MAST2: variants seen among roughly 807,000 people sequenced by gnomAD.
MAST2 encodes the protein microtubule associated serine/threonine kinase 2.
In MAST2, 70 loss-of-function variants were observed where a neutral mutation model predicts 147.4. That is an observed-to-expected ratio of 0.47 (90% CI 0.39 to 0.58). The LOEUF (loss-of-function observed/expected upper bound fraction) is 0.58, where lower values mean the gene tolerates loss of function less well. Ranked by LOEUF, MAST2 falls within the 20% of genes least tolerant of loss-of-function variation. The pLI is 0.00. For missense variants in MAST2, 2,080 were observed against 2,302.3 expected, an observed-to-expected ratio of 0.90 and a Z score of 1.98; for synonymous variants, 869 against 896.8, an observed-to-expected ratio of 0.97 and a Z score of 0.55.
intron 4 of MAST2, among the ~76,000 whole-genome samples, chr1:45,955,500 T>A (rs1056904873): frequency 1.3e-5 from 2 of 152,160 alleles, no homozygotes; most frequent in East Asian, 3.8e-4. Flanking sequence ...TAGATGATGA[T>A]AAGTGCTAGG....
rs192018538 is a variant in MAST2 at position 45,964,670 on chromosome 1, C to T, written c.592+5193C>T. ...TGTTGATCTTTTCAAAAAACCAGCT[C>T]CTGGATTCACTGATTTTTTTGAAGG... On this transcript the variant is annotated intron_variant, in intron 5 of 28. Transcript: ENST00000361297. 2.6e-5 allele frequency among the ~76,000 whole-genome samples: 4 copies of T among 152,234 alleles called. No homozygotes were observed. In the East Asian group the frequency reaches 5.8e-4, roughly 22 times the overall value.
intron 3 of MAST2, among the ~76,000 whole-genome samples, chr1:45,834,335 A>T (rs1186741467): frequency 1.3e-5 from 2 of 152,152 alleles, no homozygotes; most frequent in African/African-American, 4.8e-5. Context: ...GAGTCTGGAG[A>T]ATAGATAAGC....
intron 4 of MAST2, among the ~76,000 whole-genome samples, chr1:45,905,174 CTTT>C (rs1206585552): frequency 7.0e-5 from 9 of 128,102 alleles, no homozygotes; most frequent in Admixed American, 8.0e-5. Flanking sequence ...TATGTTTAAT[CTTT>C]TTTTTTTTTT....
chr1:45,948,576 G>A (rs1439050069), intron 4 of MAST2, among the ~76,000 whole-genome samples: 1 of 151,726 alleles, frequency 6.6e-6, no homozygotes, highest in Non-Finnish European at 1.5e-5. Flanking sequence ...ATGTGGTGGT[G>A]TGTGTCTGTA....
At chr1:45,894,466 T>C (rs1246729121) in intron 4 of MAST2, among the ~76,000 whole-genome samples, 1 of 151,970 alleles carries the variant, frequency 6.6e-6, no homozygotes, top group Non-Finnish European at 1.5e-5. Context: ...TATGCTTGCT[T>C]GATTAAGGAC....
Position 46,002,714 on chromosome 1 carries a change from A to G in MAST2, c.669-91A>G, listed in dbSNP as rs543915242. ...TAAGGAGGAGCCCTACAGTGAATCA[A>G]CTGCCCCCAAAATGCTGATGAACAG... is the stretch of plus-strand genomic sequence containing the variant. On this transcript the variant is annotated intron_variant, in intron 6 of 28. Coordinates refer to ENST00000361297, the MANE Select transcript of MAST2 (RefSeq NM_015112.3). The G allele has an allele frequency of 2.9e-5, 32 of 1,087,168 alleles. No individual in the cohort carries two copies. In the African/African-American group the frequency reaches 3.4e-4, roughly 12 times the overall value. The allele number at this position is 1,087,168 out of a possible 1,614,324, so 67.3% of individuals were successfully genotyped here.
At position 46,035,055 on chromosome 1, in the gene MAST2, G is replaced by A. The variant is rs1157594822; in HGVS notation, c.4386G>A (p.Gly1462=). The change falls in exon 29 of 29, where the codon GGG becomes GGA. Residue 1462 remains glycine (G), a synonymous_variant. Coordinates refer to ENST00000361297, the MANE Select transcript of MAST2 (RefSeq NM_015112.3). This position sits in a 1 kb window ranked among gnomAD's most constrained non-coding sequence, Gnocchi z 5.5. ...CCAGGAGTGTGCTGTCTGGCAAGGGGGCCCTGCCAGGGAAGGGGGTGCTGC... is the reference window on the plus strand; with the variant it reads ...CCAGGAGTGTGCTGTCTGGCAAGGGAGCCCTGCCAGGGAAGGGGGTGCTGC... ...VGARSVLSGK[G]ALPGKGVLQP... is the part of the protein sequence containing the mutation. The A allele has an allele frequency of 1.1e-5, 17 of 1,613,720 alleles. No individual in the cohort carries two copies. Among genetic ancestry groups the A allele is most frequent in the Non-Finnish European group, 1.4e-5 (17 of 1,179,988 alleles).
At chr1:45,854,262 G>A (rs957071016) in intron 3 of MAST2, among the ~76,000 whole-genome samples, 1 of 151,628 alleles carries the variant, frequency 6.6e-6, no homozygotes, top group Non-Finnish European at 1.5e-5. Flanking sequence ...ACTTGAACCC[G>A]GGAGGCAGAG....
chr1:45,980,577 T>C (rs1644367275), intron 5 of MAST2, among the ~76,000 whole-genome samples: 1 of 152,236 alleles, frequency 6.6e-6, no homozygotes, highest in African/African-American at 2.4e-5. Flanking sequence ...CTTTGTCACA[T>C]AGGCTGTAGT....
chr1:45,839,947 C>A (rs547726293), intron 3 of MAST2, among the ~76,000 whole-genome samples: 17 of 152,258 alleles, frequency 1.1e-4, no homozygotes, highest in African/African-American at 3.4e-4. Context: ...TCTATACTTA[C>A]CTCATGCTGT....
At chr1:45,904,380 G>A (rs983771119) in intron 4 of MAST2, among the ~76,000 whole-genome samples, 3 of 151,926 alleles carry the variant, frequency 2.0e-5, no homozygotes, top group Non-Finnish European at 4.4e-5. Context: ...TACCATGTTG[G>A]CCAGGCTGAT....
chr1:45,947,466 A>G (rs1433220317), intron 4 of MAST2, among the ~76,000 whole-genome samples: 1 of 152,224 alleles, frequency 6.6e-6, no homozygotes, highest in Admixed American at 6.5e-5. Flanking sequence ...GTGAGCTCTT[A>G]GTAATTGTTA....
chr1:45,898,568 A>G (rs1649169217), intron 4 of MAST2, among the ~76,000 whole-genome samples: 1 of 152,108 alleles, frequency 6.6e-6, no homozygotes. Context: ...CCATGGGATA[A>G]GCAAAGCCCA....
intron 4 of MAST2, among the ~76,000 whole-genome samples, chr1:45,914,897 T>C (rs1425113855): frequency 1.3e-5 from 2 of 152,226 alleles, no homozygotes; most frequent in Non-Finnish European, 2.9e-5. Flanking sequence ...TAAAAATTTT[T>C]AAATGGAGTT....
rs1228849396 is a variant in MAST2 at position 45,814,150 on chromosome 1, G to C, written c.177+10078G>C. Among the ~76,000 whole-genome samples the C allele has an allele frequency of 5.9e-5, 9 of 152,138 alleles. No homozygotes were observed. The East Asian group carries it at 1.5e-3, about 26-fold the overall frequency. On this transcript the variant is annotated intron_variant, in intron 1 of 28. Coordinates refer to ENST00000361297, the MANE Select transcript of MAST2 (RefSeq NM_015112.3). ...CCTAATGATGATAATATACAACTAT[G>C]TTACTTGCTTATGTATTTACCATAC...
intron 8 of MAST2, among the ~76,000 whole-genome samples, chr1:46,007,069 A>C (rs1273717505): frequency 6.6e-6 from 1 of 152,202 alleles, no homozygotes; most frequent in Non-Finnish European, 1.5e-5. Context: ...GCTGCTGATT[A>C]ATTTTCGATT....
chr1:46,035,804 G>A lies in MAST2; in HGVS notation c.5135G>A (p.Arg1712Lys). Residue 1712 changes from arginine (R) to lysine (K), a missense_variant, in exon 29 of 29, where the codon AGA becomes AAA. Transcript: ENST00000361297. This position sits in a 1 kb window ranked among gnomAD's most constrained non-coding sequence, Gnocchi z 5.5. ...QGKTQPPSAP[R>K]LAHPSYEDPS... is the part of the protein sequence containing the mutation. Reference sequence around the variant, plus strand: ...AAGACACAGCCACCTAGTGCCCCCAGACTGGCCCATCCATCTTATGAGGAT... The same window carrying A: ...AAGACACAGCCACCTAGTGCCCCCAAACTGGCCCATCCATCTTATGAGGAT... 6.2e-7 allele frequency: 1 copy of A among 1,614,134 alleles called. No individual in the cohort carries two copies. The highest frequency in any genetic ancestry group is 8.5e-7 in the Non-Finnish European group (1 of 1,180,042).
At chr1:45,869,478 A>G (rs1039309705) in intron 3 of MAST2, among the ~76,000 whole-genome samples, 12 of 152,216 alleles carry the variant, frequency 7.9e-5, no homozygotes, top group Non-Finnish European at 1.5e-4. Flanking sequence ...TGTTTCCTGT[A>G]GATATATTTT....
At chr1:46,033,158 C>T (rs1213848898) in intron 26 of MAST2, among the ~76,000 whole-genome samples, 2 of 151,876 alleles carry the variant, frequency 1.3e-5, no homozygotes, top group Admixed American at 1.3e-4. Flanking sequence ...CTTGTAATCC[C>T]GGCTACTCGG....
Sources: gnomAD v4.1 joint callset for allele counts (sites outside exome capture counted in the v4.1 genomes callset) on GRCh38, gnomAD v4.1.1 for gene constraint, Gnocchi (gnomAD v3.1) non-coding constraint, MANE v1.5 for transcripts, NCBI Gene and HGNC (gene_info 2026-07-23, HGNC 2026-07-21) for gene names.